Variants in GRIN3A observed in about 807,000 individuals in gnomAD.
GRIN3A encodes the protein glutamate ionotropic receptor NMDA type subunit 3A.
In GRIN3A, 47 loss-of-function variants were observed where a neutral mutation model predicts 92.4. The observed-to-expected ratio is 0.51, with a 90% CI of 0.40 to 0.65. The LOEUF is 0.65. GRIN3A is among the 30% of genes least tolerant of loss of function. The pLI, the probability that GRIN3A is intolerant of heterozygous loss-of-function variation, is 0.00. For synonymous variants in GRIN3A, 527 were observed against 540.6 expected, an observed-to-expected ratio of 0.97 and a Z score of 0.35; for missense variants, 1,324 against 1,393.1, an observed-to-expected ratio of 0.95 and a Z score of 0.79.
intron 5 of GRIN3A, among the ~76,000 whole-genome samples, chr9:101,617,320 G>C (rs62577392): frequency 0.12 from 18,228 of 151,388 alleles, 1,947 homozygotes; most frequent in African/African-American, 0.29. Context: ...TGGTAGATAA[G>C]ACAAAAGTAT....
chr9:101,642,411 G>A (rs1011161187), intron 3 of GRIN3A, among the ~76,000 whole-genome samples: 4 of 152,130 alleles, frequency 2.6e-5, no homozygotes, highest in African/African-American at 9.7e-5. Context: ...ATTGACATTG[G>A]TGTTGGCAAT....
intron 1 of GRIN3A, among the ~76,000 whole-genome samples, 156 bp downstream of exon 1, chr9:101,737,125 C>T (rs1428988775): frequency 6.6e-6 from 1 of 152,164 alleles, no homozygotes; most frequent in Admixed American, 6.5e-5. Context: ...CTCCTTCTAC[C>T]TACCACCTAC....
At chr9:101,580,823 C>T (rs570717056) in intron 6 of GRIN3A, among the ~76,000 whole-genome samples, 1 of 152,298 alleles carries the variant, frequency 6.6e-6, no homozygotes, top group East Asian at 1.9e-4. Context: ...TGTTCAGCTC[C>T]AAAGCCTGGG....
Position 101,670,265 on chromosome 9 carries a change from AAGG to A in GRIN3A, c.2144_2146del (p.Ser715del). 1 of 1,614,110 alleles carries A rather than the reference AAGG, an allele frequency of 6.2e-7. No individual in the cohort carries two copies. Among genetic ancestry groups the A allele is most frequent in the Non-Finnish European group, 8.5e-7 (1 of 1,179,974 alleles). On this transcript the variant is annotated inframe_deletion, in exon 3 of 9. Coordinates refer to ENST00000361820, the MANE Select transcript of GRIN3A (RefSeq NM_133445.3). ...ATAACAGATGTTCAAGGCTGAAGAA[AAGG>A]AGAAGACTTTACTTCTATTTCGCCC...
intron 3 of GRIN3A, among the ~76,000 whole-genome samples, chr9:101,665,034 G>T (rs919060972): frequency 2.1e-5 from 3 of 143,286 alleles, no homozygotes; most frequent in Non-Finnish European, 4.7e-5. Flanking sequence ...GTGGTGTTTA[G>T]ATTCCAAGAC....
intron 3 of GRIN3A, among the ~76,000 whole-genome samples, chr9:101,651,578 GC>G (rs1447345842): frequency 2.0e-5 from 3 of 151,380 alleles, no homozygotes; most frequent in African/African-American, 7.3e-5. Context: ...CAGACCCTAT[GC>G]ACAAAGAGTA....
At chr9:101,635,867 C>T (rs1828777565) in intron 3 of GRIN3A, among the ~76,000 whole-genome samples, 1 of 152,142 alleles carries the variant, frequency 6.6e-6, no homozygotes, top group African/African-American at 2.4e-5. Context: ...TGGCCAGTGG[C>T]CCACCTACTC....
rs1827756973 is a variant in GRIN3A at position 101,571,313 on chromosome 9, G to A, written c.*1861C>T. 6.6e-6 allele frequency: 1 copy of A among 152,150 alleles called. No homozygotes were observed. Among genetic ancestry groups the A allele is most frequent in the Non-Finnish European group, 1.5e-5 (1 of 68,036 alleles). 9.4% of individuals were successfully genotyped at this position (152,150 alleles called of 1,614,324 possible). On this transcript the variant is annotated 3_prime_UTR_variant, in exon 9 of 9. Transcript: ENST00000361820. Reference sequence around the variant, plus strand: ...TTTCTCAGCCAATTAATCACTAGGTGTTATCTAACTACAGCTTAAGTTGTT... The same window carrying A: ...TTTCTCAGCCAATTAATCACTAGGTATTATCTAACTACAGCTTAAGTTGTT...
intron 1 of GRIN3A, among the ~76,000 whole-genome samples, chr9:101,719,049 G>A (rs1182456624): frequency 6.6e-6 from 1 of 152,142 alleles, no homozygotes; most frequent in Non-Finnish European, 1.5e-5. Context: ...TGAAGTTTGG[G>A]ACATACTGCT....
At chr9:101,724,622 G>A (rs976361504) in intron 1 of GRIN3A, among the ~76,000 whole-genome samples, 7 of 152,200 alleles carry the variant, frequency 4.6e-5, no homozygotes, top group African/African-American at 1.7e-4. Context: ...CAGAGGAGGC[G>A]CCCAGAGCGA....
chr9:101,658,929 G>A (rs1349258149), intron 3 of GRIN3A, among the ~76,000 whole-genome samples: 2 of 151,742 alleles, frequency 1.3e-5, no homozygotes, highest in Non-Finnish European at 2.9e-5. Context: ...TACACCAGTG[G>A]TTGAATCACA....
chr9:101,722,268 T>C (rs1013137432), intron 1 of GRIN3A, among the ~76,000 whole-genome samples: 2 of 152,242 alleles, frequency 1.3e-5, no homozygotes, highest in Middle Eastern at 3.2e-3. Context: ...AATTGAGGTT[T>C]GGGAACCTCT....
chr9:101,584,795 G>A (rs1827929556), intron 6 of GRIN3A, among the ~76,000 whole-genome samples: 2 of 152,162 alleles, frequency 1.3e-5, no homozygotes, highest in African/African-American at 2.4e-5. Flanking sequence ...CTTTGTTGTT[G>A]CCCAAACCCT....
In GRIN3A at chr9:101,727,800, T is replaced by A. The variant is rs537672695; in HGVS notation, c.699+9481A>T. ...GTCTTGTGAGACTGGATTCCTAGGA[T>A]GCTTCAGCCTAAAGCTGTATTTTGG... On this transcript the variant is annotated intron_variant, in intron 1 of 8. Transcript: ENST00000361820. 5.5e-4 allele frequency among the ~76,000 whole-genome samples: 83 copies of A among 150,860 alleles called. 2 individuals are homozygous for A. The highest frequency in any genetic ancestry group is 1.9e-3 in the African/African-American group (78 of 40,962).
chr9:101,583,384 G>A (rs1019525878), intron 6 of GRIN3A, among the ~76,000 whole-genome samples: 1 of 152,162 alleles, frequency 6.6e-6, no homozygotes, highest in Non-Finnish European at 1.5e-5. Context: ...CTGAGTCTGA[G>A]TGACAAGACA....
At chr9:101,631,658 G>A (rs1217030378) in intron 3 of GRIN3A, among the ~76,000 whole-genome samples, 1 of 152,118 alleles carries the variant, frequency 6.6e-6, no homozygotes, top group African/African-American at 2.4e-5. Flanking sequence ...ACTTTCTGTT[G>A]TATTTGCTCA....
Position 101,724,281 on chromosome 9 carries a change from G to A in GRIN3A, c.699+13000C>T, listed in dbSNP as rs934161233. ...CCCCACAGGAAGGCAGCTAAGGCCC[G>A]GCGAGAAATCAAGCGCAGCGCCGGT... On this transcript the variant is annotated intron_variant, in intron 1 of 8. Coordinates refer to ENST00000361820, the MANE Select transcript of GRIN3A (RefSeq NM_133445.3). Among the ~76,000 whole-genome samples the A allele has an allele frequency of 7.1e-4, 108 of 152,324 alleles. 1 individual carries two copies. The highest frequency in any genetic ancestry group is 3.4e-3 in the Middle Eastern group (1 of 294).
chr9:101,656,761 C>G (rs970312705), intron 3 of GRIN3A, among the ~76,000 whole-genome samples: 1 of 151,816 alleles, frequency 6.6e-6, no homozygotes, highest in Non-Finnish European at 1.5e-5. Context: ...TAAGATAGAA[C>G]AGGATTGGTT....
At position 101,573,167 on chromosome 9, in the gene GRIN3A, T is replaced by C; in HGVS notation, c.*7A>G. On this transcript the variant is annotated 3_prime_UTR_variant, in exon 9 of 9. Coordinates refer to ENST00000361820, the MANE Select transcript of GRIN3A (RefSeq NM_133445.3). ...CAGGAACTGAGAAAGGGAAGCAGTG[T>C]GGTCACCTAGGACTCACAAGTCCGA... The C allele has an allele frequency of 6.2e-7, 1 of 1,610,876 alleles. No individual in the cohort carries two copies.
Sources: allele counts gnomAD v4.1 joint callset (sites outside exome capture counted in the v4.1 genomes callset), GRCh38; gene constraint gnomAD v4.1.1; transcripts MANE v1.5; gene names NCBI Gene and HGNC (gene_info 2026-07-23, HGNC 2026-07-21).